The following PPA2 variants were observed in gnomAD, a reference collection of about 807,000 sequenced individuals.
PPA2 encodes inorganic pyrophosphatase 2.
Under a neutral mutation model 49.5 loss-of-function variants are expected in PPA2, and 48 were observed. The ratio of observed to expected loss-of-function variants is 0.97; its 90% confidence interval spans 0.77 to 1.23. PPA2 has a LOEUF of 1.23. Ranked by LOEUF, PPA2 falls within the 50% of genes most tolerant of loss-of-function variation. PPA2 has a pLI of 0.00. For missense variants in PPA2, 429 were observed against 410.1 expected (o/e 1.05, Z -0.40); for synonymous variants, 131 against 139.9 (o/e 0.94, Z 0.45).
chr4:105,434,765 C>G (rs1193418585), intron 6 of PPA2, among the ~76,000 whole-genome samples: 1 of 152,102 alleles, frequency 6.6e-6, no homozygotes, highest in Admixed American at 6.5e-5. Flanking sequence ...CCCAGATTAC[C>G]AAGTTGCCTC....
chr4:105,374,943 C>T (rs999588799), intron 10 of PPA2, among the ~76,000 whole-genome samples: 2 of 151,222 alleles, frequency 1.3e-5, no homozygotes, highest in Admixed American at 6.6e-5. Flanking sequence ...CTACCCGCCT[C>T]GGTCTCCTTA....
intron 1 of PPA2, among the ~76,000 whole-genome samples, chr4:105,468,494 C>A (rs1395810486): frequency 2.6e-5 from 4 of 152,250 alleles, no homozygotes; most frequent in African/African-American, 9.6e-5. Flanking sequence ...GGACTTCAAA[C>A]TGACCATTAA....
chr4:105,398,819 CAT>C, intron 8 of PPA2: 1 of 404,726 alleles, frequency 2.5e-6, no homozygotes. Context: ...GCTATAGACA[CAT>C]AGATGGAAAT....
chr4:105,449,313 A>C (rs372601501), intron 4 of PPA2, 37 bp downstream of exon 4: 14 of 1,326,372 alleles, frequency 1.1e-5, no homozygotes, highest in Non-Finnish European at 1.5e-5. Flanking sequence ...TATCATTATA[A>C]TCATTTCGGT....
intron 1 of PPA2, among the ~76,000 whole-genome samples, chr4:105,467,064 C>A (rs1249114041): frequency 6.6e-6 from 1 of 152,182 alleles, no homozygotes; most frequent in African/African-American, 2.4e-5. Flanking sequence ...AGGCTGCAAC[C>A]AATTAATATT....
At chr4:105,377,547 A>G (rs777130868) in intron 10 of PPA2, among the ~76,000 whole-genome samples, 1 of 152,180 alleles carries the variant, frequency 6.6e-6, no homozygotes, top group Non-Finnish European at 1.5e-5. Flanking sequence ...AAGATGTGTC[A>G]TTAGACTAAC....
chr4:105,370,224 T>G (rs1279115396), intron 11 of PPA2, among the ~76,000 whole-genome samples: 1 of 152,212 alleles, frequency 6.6e-6, no homozygotes, highest in Non-Finnish European at 1.5e-5. Context: ...CATGTCATAC[T>G]TGACTCACAG....
intron 8 of PPA2, among the ~76,000 whole-genome samples, chr4:105,397,395 G>A (rs1397087665): frequency 6.6e-6 from 1 of 152,164 alleles, no homozygotes; most frequent in African/African-American, 2.4e-5. Context: ...GATTATGTAA[G>A]GATAGATTTT....
At chr4:105,427,534 C>T (rs900230829) in intron 6 of PPA2, among the ~76,000 whole-genome samples, 2 of 151,952 alleles carry the variant, frequency 1.3e-5, no homozygotes, top group Non-Finnish European at 2.9e-5. Context: ...AACCACAGCA[C>T]GAGAACTTCG....
At chr4:105,387,858 A>C (rs1294723437) in intron 9 of PPA2, among the ~76,000 whole-genome samples, 1 of 152,170 alleles carries the variant, frequency 6.6e-6, no homozygotes, top group Non-Finnish European at 1.5e-5. Context: ...CCTGTAAGTT[A>C]GATGTTTCCT....
intron 6 of PPA2, among the ~76,000 whole-genome samples, chr4:105,427,294 T>A (rs2713838): frequency 0.59 from 89,941 of 151,878 alleles, 26,738 homozygotes; most frequent in East Asian, 0.68. Flanking sequence ...CCTCTTCTCC[T>A]CAAAGGATTG....
intron 7 of PPA2, chr4:105,407,010 C>A (rs1467183650): frequency 6.6e-6 from 1 of 151,358 alleles, no homozygotes; most frequent in Non-Finnish European, 1.5e-5. Context: ...CATACATATA[C>A]TAAAATTGGA....
At chr4:105,445,888 C>A (rs183485931) in intron 5 of PPA2, among the ~76,000 whole-genome samples, 1 of 152,016 alleles carries the variant, frequency 6.6e-6, no homozygotes, top group African/African-American at 2.4e-5. Context: ...GTTTTCTCTG[C>A]TTTCTACTTA....
intron 9 of PPA2, among the ~76,000 whole-genome samples, chr4:105,387,100 A>C (rs1036033313): frequency 3.3e-5 from 5 of 152,118 alleles, no homozygotes; most frequent in Non-Finnish European, 7.4e-5. Context: ...TATGAATGTA[A>C]AGTTTGTTTT....
chr4:105,406,272 G>GA (rs1036046927), intron 7 of PPA2, among the ~76,000 whole-genome samples: 7 of 151,558 alleles, frequency 4.6e-5, no homozygotes, highest in African/African-American at 9.7e-5. Context: ...TAACAGTAAG[G>GA]AAAAAAAAGA....
At chr4:105,432,713 TTTTA>T (rs1383598917) in intron 6 of PPA2, among the ~76,000 whole-genome samples, 1 of 152,106 alleles carries the variant, frequency 6.6e-6, no homozygotes, top group Non-Finnish European at 1.5e-5. Context: ...TATTATGAGA[TTTTA>T]TTTATTTATT....
intron 9 of PPA2, among the ~76,000 whole-genome samples, chr4:105,389,056 A>G (rs938587918): frequency 8.5e-5 from 13 of 152,174 alleles, no homozygotes; most frequent in African/African-American, 2.7e-4. Flanking sequence ...TTGTAAGAAC[A>G]TATATGTATG....
At chr4:105,399,815 G>A (rs1734287713) in intron 7 of PPA2, among the ~76,000 whole-genome samples, 1 of 152,122 alleles carries the variant, frequency 6.6e-6, no homozygotes, top group Non-Finnish European at 1.5e-5. Flanking sequence ...TGCAGTTTCA[G>A]TTACCTACAG....
intron 3 of PPA2, among the ~76,000 whole-genome samples, chr4:105,451,787 A>C (rs1167049924): frequency 3.3e-5 from 5 of 152,190 alleles, no homozygotes; most frequent in African/African-American, 9.7e-5. Flanking sequence ...TGCAAACCAC[A>C]TTCTCCCTCT....
Sources: allele counts gnomAD v4.1 joint callset (sites outside exome capture counted in the v4.1 genomes callset), GRCh38; gene constraint gnomAD v4.1.1; transcripts MANE v1.5; gene names NCBI Gene and HGNC (gene_info 2026-07-23, HGNC 2026-07-21).